The following ADAM22 variants were observed in gnomAD, a reference collection of about 807,000 sequenced individuals.
The protein encoded by ADAM22 is disintegrin and metalloproteinase domain-containing protein 22.
ADAM22 carries 65 observed loss-of-function variants against 144.6 expected under a neutral mutation model. That is an observed-to-expected ratio of 0.45 (90% CI 0.37 to 0.55). The LOEUF (loss-of-function observed/expected upper bound fraction) is 0.55. Ranked by LOEUF, ADAM22 falls within the 20% of genes least tolerant of loss-of-function variation. The probability of loss-of-function intolerance (pLI) is 0.00; values close to 1 mark genes in which losing one functional copy is unlikely to be tolerated. For synonymous variants in ADAM22, 391 were observed against 412.6 expected, an observed-to-expected ratio of 0.95 and a Z score of 0.63; for missense variants, 974 against 1,184.9, an observed-to-expected ratio of 0.82 and a Z score of 2.61.
intron 3 of ADAM22, among the ~76,000 whole-genome samples, chr7:88,011,557 A>G (rs1026918173): frequency 6.6e-6 from 1 of 151,652 alleles, no homozygotes; most frequent in African/African-American, 2.4e-5. Flanking sequence ...AAAAAAAAAG[A>G]AAAACACTGC....
chr7:87,950,992 T>A (rs191478808), intron 2 of ADAM22, among the ~76,000 whole-genome samples: 22 of 152,336 alleles, frequency 1.4e-4, no homozygotes, highest in African/African-American at 4.3e-4. Flanking sequence ...GGTTGTTTGT[T>A]TTTTTCTTGT....
At chr7:88,160,613 G>A (rs1176352301) in intron 22 of ADAM22, among the ~76,000 whole-genome samples, 1 of 152,090 alleles carries the variant, frequency 6.6e-6, no homozygotes, top group Non-Finnish European at 1.5e-5. Flanking sequence ...ATGGGGTACT[G>A]GGTATATACC....
intron 4 of ADAM22, among the ~76,000 whole-genome samples, chr7:88,088,521 A>AC (rs761749146): frequency 6.6e-6 from 1 of 151,682 alleles, no homozygotes; most frequent in Non-Finnish European, 1.5e-5. Flanking sequence ...AAAAAAAAAA[A>AC]AACACTAGTA....
At chr7:88,035,941 C>T (rs549311230) in intron 3 of ADAM22, among the ~76,000 whole-genome samples, 3 of 152,280 alleles carry the variant, frequency 2.0e-5, no homozygotes, top group African/African-American at 7.2e-5. Flanking sequence ...CAGGCAAAGT[C>T]AGGAAAAATA....
intron 25 of ADAM22, 122 bp downstream of exon 25, chr7:88,168,349 G>A: frequency 1.0e-6 from 1 of 973,040 alleles, no homozygotes; most frequent in Non-Finnish European, 1.6e-6. Flanking sequence ...AATCAGCTTG[G>A]CTCAGCAGCC....
chr7:88,076,788 A>G (rs1814648945), intron 4 of ADAM22, among the ~76,000 whole-genome samples: 1 of 152,218 alleles, frequency 6.6e-6, no homozygotes, highest in African/African-American at 2.4e-5. Context: ...TGTTTAGTAT[A>G]GTGACTTTTG....
intron 26 of ADAM22, among the ~76,000 whole-genome samples, chr7:88,177,429 C>A (rs1311985125): frequency 1.3e-5 from 2 of 151,704 alleles, no homozygotes; most frequent in Non-Finnish European, 1.5e-5. Flanking sequence ...GTTTTATATA[C>A]TGGGGAAAAG....
In ADAM22 at chr7:87,934,308, C is replaced by T. The variant is rs990125521; in HGVS notation, c.-158C>T. The T allele has an allele frequency of 4.9e-6, 3 of 613,472 alleles. No individual in the cohort carries two copies. The highest frequency in any genetic ancestry group is 3.2e-5 in the East Asian group (1 of 31,474). The allele number at this position is 613,472 out of a possible 1,614,324, so 38.0% of individuals were successfully genotyped here. On this transcript the variant is annotated 5_prime_UTR_variant, in exon 1 of 32. Coordinates refer to ENST00000413139, the MANE Select transcript of ADAM22 (RefSeq NM_001324418.2). Reference sequence around the variant, plus strand: ...CGCGAAGCACAATGCAGCACTGAGCCGCGGTGGAGGTTGCAGCGCCACGGC... The same window carrying T: ...CGCGAAGCACAATGCAGCACTGAGCTGCGGTGGAGGTTGCAGCGCCACGGC...
In ADAM22 at chr7:87,935,130, G is replaced by T. The variant is rs915061792; in HGVS notation, c.190G>T (p.Glu64Ter). 6.2e-7 allele frequency: 1 copy of T among 1,613,646 alleles called. No individual in the cohort carries two copies. The highest frequency in any genetic ancestry group is 8.5e-7 in the Non-Finnish European group (1 of 1,179,878). ...RLIYRSGGEDESRHDALDTRV... is the reference protein window; with the variant it reads ...RLIYRSGGED ...CATCTACCGCTCGGGCGGCGAAGAC[G>T]AAAGTCGGCACGACGCGCTCGACAC... is the stretch of plus-strand genomic sequence containing the variant. The change falls in exon 2 of 32, where the codon GAA (glutamate) becomes TAA (stop). Residue 64 changes from glutamate (E) to a stop codon, truncating the protein, a stop_gained. Coordinates refer to ENST00000413139, the MANE Select transcript of ADAM22 (RefSeq NM_001324418.2). LOFTEE classifies it high-confidence loss of function.
chr7:88,074,363 CTG>C (rs1231335644), intron 3 of ADAM22, among the ~76,000 whole-genome samples: 1 of 152,152 alleles, frequency 6.6e-6, no homozygotes, highest in Non-Finnish European at 1.5e-5. Flanking sequence ...CTTTATACAT[CTG>C]TGAATTCTGT....
chr7:87,978,282 G>A, intron 2 of ADAM22, 54 bp from the exon 3 acceptor site: 6 of 1,289,812 alleles, frequency 4.7e-6, no homozygotes, highest in Non-Finnish European at 6.7e-6. Context: ...AAGACTAATT[G>A]TCTGATTAGT....
chr7:87,940,154 C>A (rs1003636255), intron 2 of ADAM22, among the ~76,000 whole-genome samples: 5 of 145,808 alleles, frequency 3.4e-5, no homozygotes, highest in Non-Finnish European at 7.4e-5. Context: ...TGCACTCCAG[C>A]CTGGGCGACA....
chr7:88,052,640 T>C (rs1806823451), intron 3 of ADAM22, among the ~76,000 whole-genome samples: 2 of 152,234 alleles, frequency 1.3e-5, no homozygotes, highest in South Asian at 4.1e-4. Context: ...TTGGCTGTTT[T>C]TCCAAACAGA....
At chr7:88,124,296 A>AAAATGT (rs1829946591) in intron 7 of ADAM22, among the ~76,000 whole-genome samples, 1 of 151,754 alleles carries the variant, frequency 6.6e-6, no homozygotes, top group Non-Finnish European at 1.5e-5. Flanking sequence ...AAACTCTGTT[A>AAAATGT]TTAGGTGAAT....
At chr7:88,055,580 G>T (rs1489324492) in intron 3 of ADAM22, among the ~76,000 whole-genome samples, 1 of 152,078 alleles carries the variant, frequency 6.6e-6, no homozygotes, top group Non-Finnish European at 1.5e-5. Context: ...GAGAGGAAAA[G>T]AAAAGAGAGA....
intron 3 of ADAM22, among the ~76,000 whole-genome samples, chr7:87,993,204 C>T (rs1372069506): frequency 6.6e-6 from 1 of 152,112 alleles, no homozygotes; most frequent in African/African-American, 2.4e-5. Context: ...ATTCCACAGC[C>T]TTGCTGAAAA....
At chr7:87,949,804 A>C (rs898557606) in intron 2 of ADAM22, among the ~76,000 whole-genome samples, 8 of 150,460 alleles carry the variant, frequency 5.3e-5, no homozygotes, top group South Asian at 2.1e-4. Context: ...AAATATTCAT[A>C]TTATTTAATA....
chr7:88,036,576 A>G (rs1801570783), intron 3 of ADAM22, among the ~76,000 whole-genome samples: 1 of 152,106 alleles, frequency 6.6e-6, no homozygotes, highest in African/African-American at 2.4e-5. Context: ...TTAGCACTTC[A>G]CTGGAATACA....
chr7:88,170,949 T>G (rs1563383918), intron 25 of ADAM22, among the ~76,000 whole-genome samples: 1 of 151,892 alleles, frequency 6.6e-6, no homozygotes, highest in Non-Finnish European at 1.5e-5. Context: ...GACTAAACAT[T>G]GAACAAGTAT....
Sources: allele counts gnomAD v4.1 joint callset (sites outside exome capture counted in the v4.1 genomes callset), GRCh38; gene constraint gnomAD v4.1.1; transcripts MANE v1.5; gene names NCBI Gene and HGNC (gene_info 2026-07-23, HGNC 2026-07-21).